Variants in UBD observed in about 807,000 individuals in gnomAD.
UBD encodes ubiquitin like modifier D.
A neutral mutation model predicts 2.3 loss-of-function variants in UBD; 1 was observed. The observed-to-expected ratio is 0.43, with a 90% CI of 0.15 to 2.06. UBD has a LOEUF of 2.06. Among genes scored for constraint, UBD ranks in the 30% most tolerant of loss-of-function variants. The pLI, the probability that UBD is intolerant of heterozygous loss-of-function variation, is 0.29. For missense variants in UBD, 175 were observed against 199.3 expected (o/e 0.88, Z 0.73); for synonymous variants, 75 against 76.5 (o/e 0.98, Z 0.10).
chr6:29,558,640 C>T (rs1026743311), intron 1 of UBD, among the ~76,000 whole-genome samples: 10 of 152,194 alleles, frequency 6.6e-5, no homozygotes, highest in African/African-American at 2.2e-4. Flanking sequence ...TTCCATCCCT[C>T]GGATCTGGCA....
chr6:29,555,731 A>G lies in UBD; in HGVS notation c.*149T>C. On this transcript the variant is annotated 3_prime_UTR_variant, in exon 2 of 2. Coordinates refer to ENST00000377050, the MANE Select transcript of UBD (RefSeq NM_006398.4). ...TCAAAGAAACATAGAGTTGGGCAAT[A>G]TACTTCATCCTACCCATCCCACCCA... 6.5e-6 allele frequency: 4 copies of G among 619,670 alleles called. 1 individual carries two copies. Among genetic ancestry groups the G allele is most frequent in the South Asian group, 4.1e-5 (2 of 49,382 alleles). 38.4% of individuals were successfully genotyped at this position (619,670 alleles called of 1,614,324 possible). A position where few individuals can be genotyped will look rare whatever the true frequency, so the allele number is the denominator to read the frequency against.
At chr6:29,557,344 A>T (rs1295639855) in intron 1 of UBD, 4 of 152,244 alleles carry the variant, frequency 2.6e-5, no homozygotes, top group Non-Finnish European at 5.9e-5. Flanking sequence ...TTAATTGGAC[A>T]AAAGACTGAT....
chr6:29,556,664 C>T (rs960519966), intron 1 of UBD: 44 of 346,226 alleles, frequency 1.3e-4, no homozygotes, highest in Admixed American at 6.1e-4. Context: ...ACTTTAAAAA[C>T]TTAGTCATTG....
intron 1 of UBD, 110 bp downstream of exon 1, chr6:29,559,565 C>A: frequency 8.8e-7 from 1 of 1,139,420 alleles, no homozygotes; most frequent in Non-Finnish European, 1.3e-6. Context: ...AGGATGCCTG[C>A]CCAGCCCCCC....
chr6:29,558,871 C>T (rs148173347), intron 1 of UBD, among the ~76,000 whole-genome samples: 52 of 152,294 alleles, frequency 3.4e-4, no homozygotes, highest in African/African-American at 1.3e-3. Context: ...TCCATGAGGC[C>T]AAGAACCCCA....
At chr6:29,557,247 G>A (rs1762569976) in intron 1 of UBD, 1 of 152,154 alleles carries the variant, frequency 6.6e-6, no homozygotes, top group African/African-American at 2.4e-5. Flanking sequence ...GGCCTTGACA[G>A]GAACAATATT....
chr6:29,558,415 C>G (rs1762630897), intron 1 of UBD, among the ~76,000 whole-genome samples: 1 of 152,288 alleles, frequency 6.6e-6, no homozygotes, highest in East Asian at 1.9e-4. Flanking sequence ...TGCCTGAGAT[C>G]ACAGCGGGAG....
chr6:29,556,676 G>A (rs990939220), intron 1 of UBD: 74 of 307,880 alleles, frequency 2.4e-4, no homozygotes, highest in Non-Finnish European at 2.9e-4. Flanking sequence ...TAGTCATTGG[G>A]CCAAGGGTGG....
chr6:29,556,476 G>C lies in UBD; in HGVS notation c.28-126C>G, dbSNP rs1202255728. On this transcript the variant is annotated intron_variant, in intron 1 of 1. Coordinates refer to ENST00000377050, the MANE Select transcript of UBD (RefSeq NM_006398.4). ...TCCTCTAGCTCCTATTCAGTAGCCA[G>C]TGTCCCTCTCTTTCTTGGAACTTCT... 1.3e-5 allele frequency: 8 copies of C among 638,144 alleles called. No individual in the cohort carries two copies. In the Admixed American group the frequency reaches 2.4e-4, roughly 19 times the overall value. 39.5% of individuals were successfully genotyped at this position (638,144 alleles called of 1,614,324 possible). A position where few individuals can be genotyped will look rare whatever the true frequency, so the allele number is the denominator to read the frequency against.
chr6:29,556,419 C>T, intron 1 of UBD, 69 bp from the exon 2 acceptor site: 2 of 1,145,068 alleles, frequency 1.7e-6, no homozygotes, highest in South Asian at 2.9e-5. Context: ...CTCCCCACCA[C>T]AATGGCTCCC....
Position 29,559,692 on chromosome 6 carries a change from T to A in UBD, c.10A>T (p.Asn4Tyr). ...CAACTTACACAGAGGCAGGAAGCAT[T>A]GGGAGCCATCTCTGCAGACAAGGGG... is the stretch of plus-strand genomic sequence containing the variant. MAP[N>Y]ASCLCVHVRS... Residue 4 changes from asparagine to tyrosine, a missense_variant, in exon 1 of 2, where the codon AAT becomes TAT. Physicochemically the swap from Asn to Tyr is moderately radical, Grantham distance 143. Transcript: ENST00000377050. 6.2e-7 allele frequency: 1 copy of A among 1,613,020 alleles called. No individual in the cohort carries two copies. Among genetic ancestry groups the A allele is most frequent in the Non-Finnish European group, 8.5e-7 (1 of 1,180,030 alleles).
rs1762479736 is a variant in UBD, at chr6:29,555,825, G to A, written c.*55C>T. The A allele has an allele frequency of 7.2e-7, 1 of 1,380,682 alleles. No individual in the cohort carries two copies. 85.5% of individuals were successfully genotyped at this position (1,380,682 alleles called of 1,614,324 possible). On this transcript the variant is annotated 3_prime_UTR_variant, in exon 2 of 2. Coordinates refer to ENST00000377050, the MANE Select transcript of UBD (RefSeq NM_006398.4). ...ATCAGAAGATGTGTTCGTTGAGTAA[G>A]AGATTAAAAGAAATAAGCTTTTTGA...
intron 1 of UBD, chr6:29,557,389 C>T (rs1210594867): frequency 6.6e-6 from 1 of 152,156 alleles, no homozygotes; most frequent in African/African-American, 2.4e-5. Flanking sequence ...GACCACTGAC[C>T]ATGGACTGGT....
chr6:29,557,329 C>T (rs1006141215), intron 1 of UBD: 1 of 152,184 alleles, frequency 6.6e-6, no homozygotes, highest in African/African-American at 2.4e-5. Flanking sequence ...GCCATAACTA[C>T]AGTTTTAATT....
intron 1 of UBD, among the ~76,000 whole-genome samples, chr6:29,558,152 C>T (rs1192936047): frequency 1.3e-5 from 2 of 152,146 alleles, no homozygotes; most frequent in Non-Finnish European, 2.9e-5. Flanking sequence ...CACATACTAC[C>T]GTGACACTAT....
intron 1 of UBD, 160 bp from the exon 2 acceptor site, chr6:29,556,510 A>G (rs1762530926): frequency 8.6e-6 from 5 of 581,294 alleles, no homozygotes; most frequent in Non-Finnish European, 1.2e-5. Context: ...CTTTTTTGGA[A>G]TTACCAAGTT....
chr6:29,558,143 A>G (rs1468057088), intron 1 of UBD, among the ~76,000 whole-genome samples: 1 of 152,192 alleles, frequency 6.6e-6, no homozygotes, highest in Non-Finnish European at 1.5e-5. Flanking sequence ...ATAATAACTC[A>G]CATACTACCG....
Position 29,559,669 on chromosome 6 carries a change from A to C in UBD, c.27+6T>G. ...TCCCCATCCCCTTTATCAAATCCCAACTTACACAGAGGCAGGAAGCATTGG... is the reference window on the plus strand; with the variant it reads ...TCCCCATCCCCTTTATCAAATCCCACCTTACACAGAGGCAGGAAGCATTGG... On this transcript the variant is annotated splice_donor_region_variant and intron_variant, in intron 1 of 1. Transcript: ENST00000377050. 6 of 1,612,886 alleles carry C rather than the reference A, an allele frequency of 3.7e-6. No homozygotes were observed. Among genetic ancestry groups the C allele is most frequent in the South Asian group, 1.1e-5 (1 of 91,050 alleles).
intron 1 of UBD, among the ~76,000 whole-genome samples, chr6:29,559,204 CTG>C (rs1191894922): frequency 1.3e-5 from 2 of 152,212 alleles, no homozygotes; most frequent in Non-Finnish European, 2.9e-5. Context: ...ACTGGAAGAT[CTG>C]TGTTAAGCAT....
Sources: gnomAD v4.1 joint callset for allele counts (sites outside exome capture counted in the v4.1 genomes callset) on GRCh38, gnomAD v4.1.1 for gene constraint, MANE v1.5 for transcripts, NCBI Gene and HGNC (gene_info 2026-07-23, HGNC 2026-07-21) for gene names.